DLC1: variants seen among roughly 807,000 people sequenced by gnomAD.
DLC1 encodes rho GTPase-activating protein 7.
Under a neutral mutation model 140.3 loss-of-function variants are expected in DLC1, and 54 were observed. That is an observed-to-expected ratio of 0.38 (90% CI 0.31 to 0.48). The LOEUF (loss-of-function observed/expected upper bound fraction) is 0.48. Ranked by LOEUF, DLC1 falls within the 20% of genes least tolerant of loss-of-function variation. The probability of loss-of-function intolerance (pLI) is 0.96; values close to 1 mark genes in which losing one functional copy is unlikely to be tolerated. For missense variants in DLC1, 2,536 were observed against 1,907.0 expected, an observed-to-expected ratio of 1.33 and a Z score of -6.14; for synonymous variants, 986 against 728.1, an observed-to-expected ratio of 1.35 and a Z score of -5.70.
At chr8:13,437,392 T>C (rs1025393309) in intron 2 of DLC1, among the ~76,000 whole-genome samples, 7 of 152,232 alleles carry the variant, frequency 4.6e-5, no homozygotes, top group Non-Finnish European at 1.0e-4. Context: ...TGTAGTCAAT[T>C]GAGCATCTTT....
chr8:13,520,542 A>G (rs1802732423), intron 1 of DLC1, among the ~76,000 whole-genome samples: 1 of 152,190 alleles, frequency 6.6e-6, no homozygotes, highest in Admixed American at 6.5e-5. Flanking sequence ...TGATGGGTGC[A>G]GCAAACCACC....
At chr8:13,429,054 G>A (rs1838740187) in intron 2 of DLC1, among the ~76,000 whole-genome samples, 1 of 152,168 alleles carries the variant, frequency 6.6e-6, no homozygotes, top group Non-Finnish European at 1.5e-5. Flanking sequence ...GATAAACTCT[G>A]ATGGTTTACG....
chr8:13,091,463 T>C, intron 13 of DLC1, 31 bp from the exon 14 acceptor site: 1 of 1,564,000 alleles, frequency 6.4e-7, no homozygotes. Context: ...AGGGGAACAG[T>C]TCAAATATTT....
intron 7 of DLC1, among the ~76,000 whole-genome samples, chr8:13,108,464 T>C (rs1033270775): frequency 1.3e-5 from 2 of 152,238 alleles, no homozygotes; most frequent in African/African-American, 2.4e-5. Flanking sequence ...CACAGACTTA[T>C]TCGCTTCAGA....
chr8:13,545,016 A>G (rs891992650), intron 1 of DLC1, among the ~76,000 whole-genome samples: 3 of 152,142 alleles, frequency 2.0e-5, no homozygotes, highest in Non-Finnish European at 2.9e-5. Context: ...CCCTGTCCAC[A>G]GGGGCTGGGT....
At chr8:13,209,018 A>G (rs1414424039) in intron 5 of DLC1, among the ~76,000 whole-genome samples, 2 of 152,220 alleles carry the variant, frequency 1.3e-5, no homozygotes, top group African/African-American at 2.4e-5. Flanking sequence ...AGATGAAAAT[A>G]AAACGAATGT....
chr8:13,115,647 G>A lies in DLC1; in HGVS notation c.1359C>T (p.Ala453=), dbSNP rs916408374. ...ISEKEKAEIE[A]KEACDWLRAT... ...CCCGTAGCCAATCACAAGCTTCCTT[G>A]GCTTCAATTTCTAGAACAGAACAGA... Residue 453 remains alanine (A), a synonymous_variant, in exon 6 of 18, where the codon GCC becomes GCT. Coordinates refer to ENST00000276297, the MANE Select transcript of DLC1 (RefSeq NM_182643.3). The A allele has an allele frequency of 1.2e-6, 2 of 1,613,908 alleles. No homozygotes were observed. The highest frequency in any genetic ancestry group is 1.7e-4 in the Middle Eastern group (1 of 6,060).
chr8:13,203,316 A>C (rs940269873), intron 5 of DLC1, among the ~76,000 whole-genome samples: 49 of 152,276 alleles, frequency 3.2e-4, no homozygotes, highest in African/African-American at 1.1e-3. Flanking sequence ...TCTTTTTTCA[A>C]ACAATACCTG....
chr8:13,444,120 T>G (rs369520316), intron 2 of DLC1, among the ~76,000 whole-genome samples: 6 of 150,868 alleles, frequency 4.0e-5, no homozygotes, highest in African/African-American at 1.5e-4. Context: ...GTTTTTTTTG[T>G]AAATTTGCTT....
rs558589556 is a variant in DLC1 at position 13,540,800 on chromosome 8, A to G, written c.-125-40604T>C. On this transcript the variant is annotated intron_variant, in intron 1 of 1. Transcript: ENST00000631382. Reference sequence around the variant, plus strand: ...TGGGGATTTGTTCAAGTAGCTATCTACAAGCATGGTTTTGAATGTCAGGAT... The same window carrying G: ...TGGGGATTTGTTCAAGTAGCTATCTGCAAGCATGGTTTTGAATGTCAGGAT... Among the ~76,000 whole-genome samples, 11 of 152,340 alleles carry G rather than the reference A, an allele frequency of 7.2e-5. No homozygotes were observed. The South Asian group carries it at 1.2e-3, about 17-fold the overall frequency.
At chr8:13,524,470 T>C (rs925505962) in intron 1 of DLC1, among the ~76,000 whole-genome samples, 2 of 152,160 alleles carry the variant, frequency 1.3e-5, no homozygotes, top group African/African-American at 4.8e-5. Flanking sequence ...CTTTTCGCTA[T>C]GTATTTTAAA....
At chr8:13,231,246 T>G (rs1308280040) in intron 5 of DLC1, among the ~76,000 whole-genome samples, 1 of 152,188 alleles carries the variant, frequency 6.6e-6, no homozygotes, top group Non-Finnish European at 1.5e-5. Flanking sequence ...GTGCGGGATT[T>G]TCATTCTTCT....
At chr8:13,400,332 C>G (rs1837238936) in intron 3 of DLC1, among the ~76,000 whole-genome samples, 1 of 152,086 alleles carries the variant, frequency 6.6e-6, no homozygotes, top group Admixed American at 6.6e-5. Flanking sequence ...CCCAACGAGC[C>G]ATTAGTTAGG....
intron 5 of DLC1, among the ~76,000 whole-genome samples, chr8:13,173,531 G>C (rs1469732290): frequency 1.3e-5 from 2 of 151,948 alleles, no homozygotes; most frequent in Non-Finnish European, 2.9e-5. Flanking sequence ...ACTGCCAAGC[G>C]CTGCTAATTT....
intron 5 of DLC1, among the ~76,000 whole-genome samples, chr8:13,136,375 A>T (rs1822560691): frequency 6.6e-6 from 1 of 151,956 alleles, no homozygotes; most frequent in Non-Finnish European, 1.5e-5. Flanking sequence ...TCTTGTTGCC[A>T]TCTTTATGTC....
At chr8:13,321,543 GAAAAAAA>G (rs869200841) in intron 4 of DLC1, among the ~76,000 whole-genome samples, 3 of 10,476 alleles carry the variant, frequency 2.9e-4, no homozygotes, top group African/African-American at 6.4e-4. Context: ...TCTCAAAAAA[GAAAAAAA>G]AAAAAAAAAA....
At chr8:13,306,593 A>T (rs1239650586) in intron 4 of DLC1, among the ~76,000 whole-genome samples, 26 of 151,928 alleles carry the variant, frequency 1.7e-4, no homozygotes, top group South Asian at 1.0e-3. Context: ...TGAGAGAGAG[A>T]GAGAGAGAGG....
intron 4 of DLC1, among the ~76,000 whole-genome samples, chr8:13,305,890 T>C (rs1832401293): frequency 1.3e-5 from 2 of 152,150 alleles, no homozygotes; most frequent in African/African-American, 4.8e-5. Context: ...CACTTTGAAT[T>C]GGGGTAGAAT....
At chr8:13,221,677 A>G (rs1052242759) in intron 5 of DLC1, among the ~76,000 whole-genome samples, 24 of 142,146 alleles carry the variant, frequency 1.7e-4, no homozygotes, top group Admixed American at 1.2e-3. Context: ...GGCCCCAAAG[A>G]TTTTGTGTGT....
Sources: allele counts gnomAD v4.1 joint callset (sites outside exome capture counted in the v4.1 genomes callset), GRCh38; gene constraint gnomAD v4.1.1; transcripts MANE v1.5; gene names NCBI Gene and HGNC (gene_info 2026-07-23, HGNC 2026-07-21).